Variants in ASPRV1 observed in about 807,000 individuals in gnomAD.
ASPRV1 encodes the protein aspartic peptidase retroviral like 1.
Under a neutral mutation model 11.0 loss-of-function variants are expected in ASPRV1, and 7 were observed. The observed-to-expected ratio is 0.64, with a 90% CI of 0.36 to 1.20. The LOEUF (loss-of-function observed/expected upper bound fraction) is 1.20. ASPRV1 is among the 50% of genes most tolerant of loss of function. The probability of loss-of-function intolerance (pLI) is 0.02; values close to 1 mark genes in which losing one functional copy is unlikely to be tolerated. For synonymous variants in ASPRV1, 136 were observed against 138.4 expected, an observed-to-expected ratio of 0.98 and a Z score of 0.12; for missense variants, 299 against 320.0, an observed-to-expected ratio of 0.93 and a Z score of 0.50.
the ASPRV1 span, among the ~76,000 whole-genome samples, chr2:70,082,926 TAAAC>T: frequency 6.6e-6 from 1 of 151,916 alleles, no homozygotes; most frequent in East Asian, 1.9e-4. Flanking sequence ...ATAAAAAAAT[TAAAC>T]AACCATAGTA....
Position 69,961,308 on chromosome 2 carries a change from G to A in ASPRV1, c.129C>T (p.Asn43=), listed in dbSNP as rs1459382614. 6.2e-7 allele frequency: 1 copy of A among 1,614,130 alleles called. No individual in the cohort carries two copies. Among genetic ancestry groups the A allele is most frequent in the Admixed American group, 1.7e-5 (1 of 60,020 alleles). ...TTAGCTTGGTGATATGGTCCCAATG[G>A]TTGAGGTCATTGATGACTTCAAAGC... The part of the protein sequence containing the change: ...LHSFEVINDL[N]HWDHITKLRF... The change falls in exon 1 of 1, where the codon AAC becomes AAT. Residue 43 remains asparagine, a synonymous_variant. Transcript: ENST00000320256.
chr2:69,981,536 G>A, the ASPRV1 span, among the ~76,000 whole-genome samples: 1 of 152,130 alleles, frequency 6.6e-6, no homozygotes. Flanking sequence ...TTATAATCAG[G>A]AGAAAAGGTT....
At chr2:70,041,782 G>A in the ASPRV1 span, among the ~76,000 whole-genome samples, 1 of 152,312 alleles carries the variant, frequency 6.6e-6, no homozygotes, top group Non-Finnish European at 1.5e-5. Flanking sequence ...GACCATGGCC[G>A]TGATGGCACC....
At chr2:70,043,595 C>CT in the ASPRV1 span, among the ~76,000 whole-genome samples, 1 of 152,200 alleles carries the variant, frequency 6.6e-6, no homozygotes, top group African/African-American at 2.4e-5. Context: ...TGGTAAATTT[C>CT]TTAGCATAGC....
chr2:70,048,261 A>C, the ASPRV1 span, among the ~76,000 whole-genome samples: 1 of 150,024 alleles, frequency 6.7e-6, no homozygotes, highest in Non-Finnish European at 1.5e-5. Flanking sequence ...TAAAAATACA[A>C]AAAATTAGCC....
the ASPRV1 span, among the ~76,000 whole-genome samples, chr2:70,084,946 G>A: frequency 6.6e-6 from 1 of 152,144 alleles, no homozygotes; most frequent in African/African-American, 2.4e-5. Context: ...ATAAGTTAAA[G>A]GCAAAAAGCC....
chr2:70,086,527 A>G, the ASPRV1 span: 1 of 152,184 alleles, frequency 6.6e-6, no homozygotes, highest in Non-Finnish European at 1.5e-5. Flanking sequence ...GCCCCCCTTG[A>G]GCCTGGCGCA....
the ASPRV1 span, among the ~76,000 whole-genome samples, chr2:69,934,313 T>C: frequency 6.6e-6 from 1 of 152,228 alleles, no homozygotes; most frequent in East Asian, 1.9e-4. Context: ...AACCCCCAAA[T>C]CTCAGCTGCT....
At chr2:70,010,731 G>A in the ASPRV1 span, among the ~76,000 whole-genome samples, 9,420 of 152,116 alleles carry the variant, frequency 0.062, 1,011 homozygotes, top group African/African-American at 0.21. Flanking sequence ...CTTCCTCCAG[G>A]AAGTGCTCCC....
At chr2:70,042,232 G>C in the ASPRV1 span, among the ~76,000 whole-genome samples, 1 of 152,140 alleles carries the variant, frequency 6.6e-6, no homozygotes, top group African/African-American at 2.4e-5. Flanking sequence ...GAAATCCAGG[G>C]CAAGAGCTCA....
At chr2:69,963,277 G>A (rs1000977115), upstream of ASPRV1, 25 of 456,452 alleles carry the variant, frequency 5.5e-5, no homozygotes, top group Non-Finnish European at 8.4e-5. Context: ...TGGAGTCACC[G>A]AGAAGGTGTT....
chr2:69,937,341 G>A, the ASPRV1 span: 3 of 1,613,924 alleles, frequency 1.9e-6, no homozygotes, highest in South Asian at 1.1e-5. Context: ...GAGAGGATCC[G>A]GATGGACAGC....
the ASPRV1 span, among the ~76,000 whole-genome samples, chr2:69,992,490 C>T: frequency 6.6e-6 from 1 of 152,188 alleles, no homozygotes; most frequent in African/African-American, 2.4e-5. Flanking sequence ...GGCTGCTGCC[C>T]GCCCCCTTCC....
chr2:69,949,286 TGAAC>T, the ASPRV1 span, among the ~76,000 whole-genome samples: 3 of 148,882 alleles, frequency 2.0e-5, no homozygotes, highest in Admixed American at 6.7e-5. Flanking sequence ...AATGAATGAA[TGAAC>T]GAATGAACGA....
the ASPRV1 span, among the ~76,000 whole-genome samples, chr2:69,933,305 T>A: frequency 6.6e-6 from 1 of 152,142 alleles, no homozygotes; most frequent in East Asian, 1.9e-4. Context: ...TTTCTCATAG[T>A]GTTTCTAATA....
At chr2:70,052,182 GAGAT>G in the ASPRV1 span, among the ~76,000 whole-genome samples, 1 of 152,040 alleles carries the variant, frequency 6.6e-6, no homozygotes, top group Non-Finnish European at 1.5e-5. Context: ...GAAGGGAAGA[GAGAT>G]AGGGAAGAAA....
At chr2:69,984,298 C>G in the ASPRV1 span, among the ~76,000 whole-genome samples, 2 of 152,304 alleles carry the variant, frequency 1.3e-5, no homozygotes, top group South Asian at 4.1e-4. Context: ...CTCAGCCTCC[C>G]AAAGTGCTGG....
the ASPRV1 span, among the ~76,000 whole-genome samples, chr2:70,032,868 T>C: frequency 6.6e-6 from 1 of 152,152 alleles, no homozygotes; most frequent in African/African-American, 2.4e-5. Flanking sequence ...AAGTCCTTTG[T>C]TGGGAAGTTT....
chr2:70,004,022 T>C, the ASPRV1 span, among the ~76,000 whole-genome samples: 1 of 152,116 alleles, frequency 6.6e-6, no homozygotes, highest in Non-Finnish European at 1.5e-5. Flanking sequence ...TGGTATTCTG[T>C]AATAGCAGCA....
Sources: allele counts gnomAD v4.1 joint callset (sites outside exome capture counted in the v4.1 genomes callset), GRCh38; gene constraint gnomAD v4.1.1; transcripts MANE v1.5; gene names NCBI Gene and HGNC (gene_info 2026-07-23, HGNC 2026-07-21).